Variants in GPM6A observed in about 807,000 individuals in gnomAD.
GPM6A encodes the protein glycoprotein M6A, also known as neuronal membrane glycoprotein M6-a.
GPM6A carries 7 observed loss-of-function variants against 32.1 expected under a neutral mutation model. The observed-to-expected ratio is 0.22, with a 90% CI of 0.12 to 0.41. The LOEUF is 0.41. Ranked by LOEUF, GPM6A falls within the 10% of genes least tolerant of loss-of-function variation. GPM6A has a pLI of 1.00. For synonymous variants in GPM6A, 130 were observed against 123.4 expected, an observed-to-expected ratio of 1.05 and a Z score of -0.35; for missense variants, 235 against 347.2, an observed-to-expected ratio of 0.68 and a Z score of 2.57.
At chr4:175,841,133 T>A (rs1735922751) in intron 1 of GPM6A, among the ~76,000 whole-genome samples, 1 of 152,210 alleles carries the variant, frequency 6.6e-6, no homozygotes, top group Admixed American at 6.5e-5. Flanking sequence ...GCTGCTAAAT[T>A]ATGAAGGAAT....
chr4:175,874,967 C>T (rs1409294308), intron 1 of GPM6A, among the ~76,000 whole-genome samples: 1 of 152,160 alleles, frequency 6.6e-6, no homozygotes, highest in Non-Finnish European at 1.5e-5. Flanking sequence ...ACCTTAGCCC[C>T]AAGGTGTGTG....
intron 4 of GPM6A, among the ~76,000 whole-genome samples, chr4:175,643,511 C>T (rs1741275810): frequency 6.6e-6 from 1 of 152,064 alleles, no homozygotes; most frequent in South Asian, 2.1e-4. Flanking sequence ...AGAATATTCC[C>T]AGAGCTGAGC....
At chr4:175,733,081 G>C (rs760263456) in intron 1 of GPM6A, among the ~76,000 whole-genome samples, 1 of 152,100 alleles carries the variant, frequency 6.6e-6, no homozygotes, top group Non-Finnish European at 1.5e-5. Context: ...GAAGTTTTTA[G>C]CCCAGTAGTG....
chr4:175,672,136 C>G (rs1453240042), intron 3 of GPM6A, among the ~76,000 whole-genome samples: 1 of 152,150 alleles, frequency 6.6e-6, no homozygotes, highest in African/African-American at 2.4e-5. Context: ...ATTGCTTTGT[C>G]TTTTTATTAT....
intron 1 of GPM6A, among the ~76,000 whole-genome samples, chr4:175,724,436 CG>C (rs1283647627): frequency 6.6e-6 from 1 of 152,018 alleles, no homozygotes; most frequent in African/African-American, 2.4e-5. Flanking sequence ...CCCAGCTACT[CG>C]GGAGGCTAAG....
intron 6 of GPM6A, 121 bp from the exon 7 acceptor site, chr4:175,635,178 G>T: frequency 1.4e-6 from 1 of 704,754 alleles, no homozygotes; most frequent in Non-Finnish European, 2.4e-6. Context: ...ATATAAAATG[G>T]AAACAAAATT....
intron 1 of GPM6A, among the ~76,000 whole-genome samples, chr4:175,735,369 A>C (rs76048727): frequency 6.6e-6 from 1 of 152,138 alleles, no homozygotes; most frequent in African/African-American, 2.4e-5. Context: ...AGGAATTGCT[A>C]TTCCTAATTA....
intron 1 of GPM6A, among the ~76,000 whole-genome samples, chr4:175,778,934 T>C (rs1733506176): frequency 6.6e-6 from 1 of 151,474 alleles, no homozygotes; most frequent in Admixed American, 6.6e-5. Flanking sequence ...CATATAAGTA[T>C]AATACATAAG....
chr4:175,673,802 C>T lies in GPM6A; in HGVS notation c.265G>A (p.Ala89Thr). 4 of 1,609,904 alleles carry T rather than the reference C, an allele frequency of 2.5e-6. No individual in the cohort carries two copies. Among genetic ancestry groups the T allele is most frequent in the East Asian group, 2.2e-5 (1 of 44,840 alleles). The change falls in exon 3 of 7, where the codon GCA (alanine) becomes ACA (threonine). Residue 89 changes from alanine to threonine, a missense_variant. Ala to Thr is a moderately conservative substitution (Grantham distance 58). Coordinates refer to ENST00000393658, the MANE Select transcript of GPM6A (RefSeq NM_201591.3). ...DIFKYVIYGIAAAFFVYGILL... is the reference protein window; with the variant it reads ...DIFKYVIYGITAAFFVYGILL... ...ATGCCATACACAAAGAACGCAGCTG[C>T]GATGCCGTAGATCACATACTTAAAG...
chr4:175,988,869 A>G (rs1010835053), intron 1 of GPM6A, among the ~76,000 whole-genome samples: 1 of 152,180 alleles, frequency 6.6e-6, no homozygotes, highest in African/African-American at 2.4e-5. Flanking sequence ...TGTCAATGTT[A>G]AAAGAGTAGA....
At chr4:175,737,213 G>C (rs1469896766) in intron 1 of GPM6A, among the ~76,000 whole-genome samples, 1 of 152,154 alleles carries the variant, frequency 6.6e-6, no homozygotes, top group Non-Finnish European at 1.5e-5. Flanking sequence ...ATTTAGCATT[G>C]CTATAAAGGA....
intron 1 of GPM6A, among the ~76,000 whole-genome samples, chr4:175,946,810 C>T (rs988451859): frequency 7.1e-4 from 108 of 152,086 alleles, no homozygotes; most frequent in African/African-American, 2.4e-3. Flanking sequence ...CTTTATCCTA[C>T]CATCACATTT....
chr4:175,776,004 C>A (rs558673683), intron 1 of GPM6A, among the ~76,000 whole-genome samples: 3 of 152,000 alleles, frequency 2.0e-5, no homozygotes, highest in Non-Finnish European at 2.9e-5. Context: ...GGAAAACCTT[C>A]GATTATAAAA....
intron 1 of GPM6A, among the ~76,000 whole-genome samples, chr4:175,877,177 G>C (rs1442524826): frequency 6.6e-6 from 1 of 152,166 alleles, no homozygotes; most frequent in Non-Finnish European, 1.5e-5. Context: ...TCATGTGTGG[G>C]CACAGTGTGG....
chr4:175,841,425 T>A (rs1303079598), intron 1 of GPM6A, among the ~76,000 whole-genome samples: 1 of 152,094 alleles, frequency 6.6e-6, no homozygotes, highest in African/African-American at 2.4e-5. Context: ...TCTTGAGAAA[T>A]CCTATTGGGA....
intron 1 of GPM6A, among the ~76,000 whole-genome samples, chr4:175,922,555 C>T (rs1018782154): frequency 1.3e-5 from 2 of 152,112 alleles, no homozygotes; most frequent in South Asian, 2.1e-4. Flanking sequence ...GAAACTCACA[C>T]CAAAAAGAAG....
At chr4:175,850,949 C>T (rs960985347) in intron 1 of GPM6A, among the ~76,000 whole-genome samples, 11 of 151,824 alleles carry the variant, frequency 7.2e-5, no homozygotes, top group Admixed American at 7.2e-4. Context: ...ATTTCCCTAT[C>T]ATGCATGTGT....
intron 1 of GPM6A, among the ~76,000 whole-genome samples, chr4:175,712,758 A>G (rs1286977994): frequency 3.3e-5 from 5 of 152,240 alleles, no homozygotes; most frequent in Admixed American, 3.3e-4. Flanking sequence ...CTACGTTAAT[A>G]TTCAGAGAAT....
At chr4:175,887,237 G>A (rs992585061) in intron 1 of GPM6A, among the ~76,000 whole-genome samples, 1 of 151,842 alleles carries the variant, frequency 6.6e-6, no homozygotes, top group Non-Finnish European at 1.5e-5. Flanking sequence ...TGTTCATAAT[G>A]TCACATGATC....
Sources: allele counts gnomAD v4.1 joint callset (sites outside exome capture counted in the v4.1 genomes callset), GRCh38; gene constraint gnomAD v4.1.1; transcripts MANE v1.5; gene names NCBI Gene and HGNC (gene_info 2026-07-23, HGNC 2026-07-21).